The following MDFIC variants were observed in gnomAD, a reference collection of about 807,000 sequenced individuals.
The protein encoded by MDFIC is myoD family inhibitor domain-containing protein.
Under a neutral mutation model 23.2 loss-of-function variants are expected in MDFIC, and 17 were observed. That is an observed-to-expected ratio of 0.73 (90% CI 0.50 to 1.10). The LOEUF is 1.10. Ranked by LOEUF, MDFIC falls within the 50% of genes least tolerant of loss-of-function variation. The probability of loss-of-function intolerance (pLI) is 0.00; values close to 1 mark genes in which losing one functional copy is unlikely to be tolerated. For missense variants in MDFIC, 356 were observed against 316.6 expected (o/e 1.12, Z -0.95); for synonymous variants, 120 against 115.2 (o/e 1.04, Z -0.27).
chr7:114,994,421 G>A (rs961073793), intron 4 of MDFIC, among the ~76,000 whole-genome samples: 1 of 152,170 alleles, frequency 6.6e-6, no homozygotes, highest in South Asian at 2.1e-4. Context: ...TTGCTCCTTA[G>A]TTGATGCAGT....
At chr7:115,004,406 TG>T (rs1791527831) in intron 4 of MDFIC, among the ~76,000 whole-genome samples, 1 of 152,116 alleles carries the variant, frequency 6.6e-6, no homozygotes, top group Non-Finnish European at 1.5e-5. Context: ...CCCAAGGAGT[TG>T]AAGACCTGCC....
intron 1 of MDFIC, 127 bp from the exon 2 acceptor site, chr7:114,922,800 T>G: frequency 7.4e-7 from 1 of 1,344,484 alleles, no homozygotes. Flanking sequence ...TTCGCAAGTT[T>G]CAAATCAAAA....
At chr7:115,003,252 T>A (rs13231549) in intron 4 of MDFIC, among the ~76,000 whole-genome samples, 42,681 of 151,904 alleles carry the variant, frequency 0.28, 6,239 homozygotes, top group Middle Eastern at 0.36. Flanking sequence ...CCTGGGTGGT[T>A]GAATAAGCCC....
At position 114,979,634 on chromosome 7, in the gene MDFIC, G is replaced by A. The variant is rs150854365; in HGVS notation, c.346G>A (p.Gly116Arg). The change falls in exon 4 of 5, where the codon GGA becomes AGA. Residue 116 changes from glycine (G) to arginine (R), a missense_variant. Physicochemically the swap from Gly to Arg is moderately radical, Grantham distance 125. Transcript: ENST00000393486. The part of the protein sequence containing the change: ...GNGIHHGAKH[G>R]SADNRKLSAP... ...TGGAATTCACCACGGGGCCAAACAC[G>A]GATCCGCAGATAATCGCAAACTTTC... 1.6e-3 allele frequency: 2,574 copies of A among 1,613,980 alleles called. 3 individuals carry two copies. The highest frequency in any genetic ancestry group is 4.0e-3 in the Admixed American group (242 of 59,996).
chr7:114,938,519 A>G (rs1401233615), intron 2 of MDFIC, among the ~76,000 whole-genome samples: 2 of 152,130 alleles, frequency 1.3e-5, no homozygotes, highest in African/African-American at 4.8e-5. Context: ...CCCCAGCCCC[A>G]TACACACTTG....
intron 3 of MDFIC, among the ~76,000 whole-genome samples, chr7:114,976,696 T>C (rs910570653): frequency 2.0e-5 from 3 of 152,186 alleles, no homozygotes; most frequent in African/African-American, 7.2e-5. Context: ...TGTGAAAGTG[T>C]ACATTTAAGT....
chr7:114,925,692 G>C (rs1372446623), intron 2 of MDFIC, among the ~76,000 whole-genome samples: 1 of 152,140 alleles, frequency 6.6e-6, no homozygotes, highest in Non-Finnish European at 1.5e-5. Context: ...ACATTCCTCA[G>C]TTTTAGCTAA....
At chr7:114,961,146 A>T (rs1174905362) in intron 3 of MDFIC, among the ~76,000 whole-genome samples, 1 of 152,106 alleles carries the variant, frequency 6.6e-6, no homozygotes, top group Non-Finnish European at 1.5e-5. Context: ...CATACTAAAC[A>T]CCGGGTGCTC....
chr7:114,936,855 A>C (rs1792433706), intron 2 of MDFIC, among the ~76,000 whole-genome samples: 1 of 152,048 alleles, frequency 6.6e-6, no homozygotes, highest in South Asian at 2.1e-4. Context: ...TCCTTTGAAA[A>C]CCATTAATAT....
At chr7:114,944,679 CTGTCT>C (rs1325277003) in intron 3 of MDFIC, among the ~76,000 whole-genome samples, 1 of 152,212 alleles carries the variant, frequency 6.6e-6, no homozygotes, top group Non-Finnish European at 1.5e-5. Flanking sequence ...TTTAGTCTGT[CTGTCT>C]TAACTCTGAA....
intron 2 of MDFIC, among the ~76,000 whole-genome samples, chr7:114,937,866 T>C (rs551164976): frequency 5.9e-5 from 9 of 152,352 alleles, no homozygotes; most frequent in African/African-American, 2.2e-4. Context: ...CTATTTTTAA[T>C]GCATCTTAAA....
chr7:114,960,976 C>A (rs966652164), intron 3 of MDFIC, among the ~76,000 whole-genome samples: 2 of 152,042 alleles, frequency 1.3e-5, no homozygotes, highest in African/African-American at 4.8e-5. Flanking sequence ...CACAGTACTA[C>A]CCCAAAAGGC....
intron 1 of MDFIC, 84 bp from the exon 2 acceptor site, chr7:114,922,829 TGAGGGAGGGAAGTG>T: frequency 7.1e-7 from 1 of 1,405,840 alleles, no homozygotes. Flanking sequence ...GGGTGGAGTT[TGAGGGAGGGAAGTG>T]GAGGGGGAGG....
chr7:114,992,657 A>T (rs1791199862), intron 4 of MDFIC, among the ~76,000 whole-genome samples: 1 of 151,952 alleles, frequency 6.6e-6, no homozygotes, highest in African/African-American at 2.4e-5. Context: ...ATGTTTATTG[A>T]TTTGTGTATG....
At chr7:114,932,210 A>C (rs1459638375) in intron 2 of MDFIC, among the ~76,000 whole-genome samples, 1 of 152,204 alleles carries the variant, frequency 6.6e-6, no homozygotes, top group Non-Finnish European at 1.5e-5. Context: ...CAATATGCAA[A>C]ATGGATATAA....
At chr7:114,965,253 A>G (rs1354382483) in intron 3 of MDFIC, among the ~76,000 whole-genome samples, 1 of 152,198 alleles carries the variant, frequency 6.6e-6, no homozygotes, top group Non-Finnish European at 1.5e-5. Flanking sequence ...GTGTGGGAAA[A>G]TAAGAGAAAA....
chr7:114,980,291 C>G (rs1295630297), intron 4 of MDFIC, among the ~76,000 whole-genome samples: 1 of 152,136 alleles, frequency 6.6e-6, no homozygotes, highest in African/African-American at 2.4e-5. Context: ...CCAGCATCTT[C>G]CAGCCGCCAC....
chr7:114,966,962 C>T (rs1277107160), intron 3 of MDFIC, among the ~76,000 whole-genome samples: 2 of 151,252 alleles, frequency 1.3e-5, no homozygotes, highest in African/African-American at 4.9e-5. Flanking sequence ...TTCAAAAAGG[C>T]GTATTGGATT....
At chr7:114,940,799 T>A (rs1368344688) in intron 2 of MDFIC, among the ~76,000 whole-genome samples, 2 of 152,194 alleles carry the variant, frequency 1.3e-5, no homozygotes, top group African/African-American at 4.8e-5. Flanking sequence ...AAGAATAAAT[T>A]GGTCTCATGA....
Sources: allele counts gnomAD v4.1 joint callset (sites outside exome capture counted in the v4.1 genomes callset), GRCh38; gene constraint gnomAD v4.1.1; transcripts MANE v1.5; gene names NCBI Gene and HGNC (gene_info 2026-07-23, HGNC 2026-07-21).